Variants in CFAP54 observed in about 807,000 individuals in gnomAD.
The protein encoded by CFAP54 is cilia- and flagella-associated protein 54.
CFAP54 carries 290 observed loss-of-function variants against 370.4 expected under a neutral mutation model. That is an observed-to-expected ratio of 0.78 (90% CI 0.71 to 0.86). The LOEUF (loss-of-function observed/expected upper bound fraction) is 0.86. Among genes scored for constraint, CFAP54 ranks in the 40% least tolerant of loss-of-function variants. The pLI, the probability that CFAP54 is intolerant of heterozygous loss-of-function variation, is 0.00. For missense variants in CFAP54, 3,399 were observed against 3,528.7 expected (o/e 0.96, Z 0.93); for synonymous variants, 1,206 against 1,236.5 (o/e 0.98, Z 0.52).
chr12:96,686,672 G>C (rs1957334005), intron 42 of CFAP54, among the ~76,000 whole-genome samples: 1 of 152,104 alleles, frequency 6.6e-6, no homozygotes, highest in South Asian at 2.1e-4. Flanking sequence ...ATGGCACTAA[G>C]CCATTCATGA....
intron 33 of CFAP54, among the ~76,000 whole-genome samples, chr12:96,644,959 T>C (rs1956772380): frequency 6.6e-6 from 1 of 152,208 alleles, no homozygotes; most frequent in South Asian, 2.1e-4. Context: ...ATATAAGTGA[T>C]AATTTGATTG....
Position 96,562,304 on chromosome 12 carries a change from C to T in CFAP54, c.2411-2164C>T, listed in dbSNP as rs115170942. Among the ~76,000 whole-genome samples, 837 of 152,118 alleles carry T rather than the reference C, an allele frequency of 5.5e-3. 9 individuals are homozygous for T. The highest frequency in any genetic ancestry group is 0.019 in the African/African-American group (775 of 41,504). On this transcript the variant is annotated intron_variant, in intron 17 of 67. Coordinates refer to ENST00000524981, the MANE Select transcript of CFAP54 (RefSeq NM_001306084.2). ...ACTAAGTAAATTAAGGATTTCTTTG[C>T]AGTTCATTTTGTCTCTAGAAAATGT...
chr12:96,793,956 G>A (rs146451029), intron 63 of CFAP54, among the ~76,000 whole-genome samples: 17 of 152,074 alleles, frequency 1.1e-4, no homozygotes, highest in African/African-American at 4.1e-4. Flanking sequence ...TTCAGCATTT[G>A]TTTGTCTGAA....
chr12:96,798,709 T>C (rs1316888628), intron 63 of CFAP54, among the ~76,000 whole-genome samples: 1 of 152,218 alleles, frequency 6.6e-6, no homozygotes, highest in Non-Finnish European at 1.5e-5. Context: ...TAGAGATAAC[T>C]ATAAACTCCT....
chr12:96,503,947 T>C lies in CFAP54; in HGVS notation c.485T>C (p.Phe162Ser). The change falls in exon 3 of 68, where the codon TTT (phenylalanine) becomes TCT (serine). Residue 162 changes from phenylalanine to serine, a missense_variant. Phe to Ser is a radical substitution (Grantham distance 155). Transcript: ENST00000524981. ...GRYLQQFNTN[F>S]DENKVDVTQF... ...TATCTTCAGCAGTTCAATACCAATT[T>C]TGATGAGAATAAAGTGGATGTAACT... The C allele has an allele frequency of 6.5e-7, 1 of 1,528,872 alleles. No homozygotes were observed. The highest frequency in any genetic ancestry group is 8.7e-7 in the Non-Finnish European group (1 of 1,144,382). 94.7% of individuals were successfully genotyped at this position (1,528,872 alleles called of 1,614,324 possible).
In CFAP54 at chr12:96,630,614, A is replaced by G. The variant is rs748306405; in HGVS notation, c.4279A>G (p.Lys1427Glu). Reference sequence around the variant, plus strand: ...GGAAACTCTAAGAGATTTCATTTTTAAAAATCCGGCTATTTCTGAAATGGT... The same window carrying G: ...GGAAACTCTAAGAGATTTCATTTTTGAAAATCCGGCTATTTCTGAAATGGT... ...KKETLRDFIFKNPAISEMVAH... is the reference protein window; with the variant it reads ...KKETLRDFIFENPAISEMVAH... Residue 1427 changes from lysine (K) to glutamate (E), a missense_variant, in exon 32 of 68, where the codon AAA (lysine) becomes GAA (glutamate). By Grantham distance (56) the Lys-to-Glu change is moderately conservative. Coordinates refer to ENST00000524981, the MANE Select transcript of CFAP54 (RefSeq NM_001306084.2). The G allele has an allele frequency of 1.1e-4, 159 of 1,506,170 alleles. No homozygotes were observed. Among genetic ancestry groups the G allele is most frequent in the Non-Finnish European group, 1.3e-4 (153 of 1,133,756 alleles). The allele number at this position is 1,506,170 out of a possible 1,614,324, so 93.3% of individuals were successfully genotyped here.
In CFAP54 at chr12:96,540,972, T is replaced by C; in HGVS notation, c.2062T>C (p.Phe688Leu). The C allele has an allele frequency of 1.3e-6, 2 of 1,504,190 alleles. No individual in the cohort carries two copies. The highest frequency in any genetic ancestry group is 2.6e-5 in the South Asian group (2 of 76,130). The allele number at this position is 1,504,190 out of a possible 1,614,324, so 93.2% of individuals were successfully genotyped here. Reference protein sequence around the residue: ...LESLGSPGRKFKQSLDVPLRE... With the variant: ...LESLGSPGRKLKQSLDVPLRE... ...ATCTTTAGGAAGCCCAGGAAGAAAA[T>C]TTAAACAATCTCTAGGTAAAATGTT... The change falls in exon 14 of 68, where the codon TTT becomes CTT. Residue 688 changes from phenylalanine (F) to leucine (L), a missense_variant. Physicochemically the swap from Phe to Leu is conservative, Grantham distance 22. Transcript: ENST00000524981.
At chr12:96,788,474 A>G (rs959027821) in intron 62 of CFAP54, among the ~76,000 whole-genome samples, 3 of 152,222 alleles carry the variant, frequency 2.0e-5, no homozygotes, top group Non-Finnish European at 4.4e-5. Context: ...TTTGGACTTT[A>G]CCATTGAACT....
chr12:96,687,095 A>G (rs113877030), intron 42 of CFAP54, among the ~76,000 whole-genome samples: 10,133 of 152,126 alleles, frequency 0.067, 492 homozygotes, highest in Non-Finnish European at 0.1. Flanking sequence ...ACAGCTGAGC[A>G]TCTTTCCCCC....
chr12:96,597,134 T>C (rs2136439849), intron 25 of CFAP54, among the ~76,000 whole-genome samples: 1 of 152,210 alleles, frequency 6.6e-6, no homozygotes, highest in East Asian at 1.9e-4. Context: ...AAAACAAATA[T>C]ACCTGACACG....
intron 46 of CFAP54, among the ~76,000 whole-genome samples, chr12:96,700,733 T>G (rs193052538): frequency 6.6e-6 from 1 of 152,316 alleles, no homozygotes; most frequent in East Asian, 1.9e-4. Context: ...TTAGTCTTCA[T>G]GGTGGTCTGG....
chr12:96,856,790 C>G (rs943377884), intron 66 of CFAP54, among the ~76,000 whole-genome samples: 4 of 152,198 alleles, frequency 2.6e-5, no homozygotes, highest in African/African-American at 9.7e-5. Context: ...CTGTCCCAAC[C>G]TCTGCCTGTT....
chr12:96,797,478 CAA>C (rs1354266901), intron 63 of CFAP54, among the ~76,000 whole-genome samples: 1 of 151,988 alleles, frequency 6.6e-6, no homozygotes, highest in Admixed American at 6.6e-5. Flanking sequence ...ACAGTTCTCT[CAA>C]ATTTTGCTTT....
chr12:96,549,136 G>A (rs1955669679), intron 15 of CFAP54, among the ~76,000 whole-genome samples: 1 of 152,194 alleles, frequency 6.6e-6, no homozygotes, highest in Non-Finnish European at 1.5e-5. Context: ...TTACAGGTGT[G>A]AGCTACTGTG....
At chr12:96,760,952 T>G (rs879668403) in intron 58 of CFAP54, among the ~76,000 whole-genome samples, 4 of 152,242 alleles carry the variant, frequency 2.6e-5, no homozygotes, top group Non-Finnish European at 5.9e-5. Context: ...TTTGTGGACA[T>G]ATGTTTTCAA....
chr12:96,564,855 C>T, intron 19 of CFAP54, 90 bp downstream of exon 19: 2 of 489,774 alleles, frequency 4.1e-6, no homozygotes, highest in East Asian at 3.3e-5. Flanking sequence ...TAATGTGTTG[C>T]CCTTAACATT....
intron 66 of CFAP54, among the ~76,000 whole-genome samples, chr12:96,855,207 C>T (rs1370184479): frequency 6.6e-6 from 1 of 152,164 alleles, no homozygotes; most frequent in East Asian, 1.9e-4. Flanking sequence ...CCAGGTCCCT[C>T]TCATGACACA....
At chr12:96,752,699 T>C (rs1004008874) in intron 55 of CFAP54, among the ~76,000 whole-genome samples, 1 of 152,226 alleles carries the variant, frequency 6.6e-6, no homozygotes, top group Non-Finnish European at 1.5e-5. Context: ...GCTAGCAAAG[T>C]GCCCCGTGCT....
chr12:96,563,614 C>T (rs1452286903), intron 17 of CFAP54, among the ~76,000 whole-genome samples: 1 of 152,174 alleles, frequency 6.6e-6, no homozygotes, highest in Non-Finnish European at 1.5e-5. Flanking sequence ...TACCCTTTGC[C>T]ACTGCAGATG....
Sources: gnomAD v4.1 joint callset for allele counts (sites outside exome capture counted in the v4.1 genomes callset) on GRCh38, gnomAD v4.1.1 for gene constraint, MANE v1.5 for transcripts, NCBI Gene and HGNC (gene_info 2026-07-23, HGNC 2026-07-21) for gene names.